Variants in NPAT observed in about 807,000 individuals in gnomAD.
NPAT encodes nuclear protein, coactivator of histone transcription, also known as protein NPAT.
In NPAT, 52 loss-of-function variants were observed where a neutral mutation model predicts 130.7. The ratio of observed to expected loss-of-function variants is 0.40; its 90% CI spans 0.32 to 0.50. The LOEUF (loss-of-function observed/expected upper bound fraction) is 0.50. NPAT is among the 20% of genes least tolerant of loss of function. The pLI is 0.68. For synonymous variants in NPAT, 580 were observed against 584.8 expected (o/e 0.99, Z 0.12); for missense variants, 1,687 against 1,662.6 (o/e 1.01, Z -0.26).
At chr11:108,216,896 A>T (rs75884896) in intron 1 of NPAT, among the ~76,000 whole-genome samples, 7,998 of 152,270 alleles carry the variant, frequency 0.053, 686 homozygotes, top group African/African-American at 0.18. Context: ...CTTTTGTCCC[A>T]AAAGTTCCAA....
chr11:108,194,379 T>C (rs1374650189), intron 2 of NPAT, among the ~76,000 whole-genome samples: 1 of 152,258 alleles, frequency 6.6e-6, no homozygotes, highest in East Asian at 1.9e-4. Flanking sequence ...TATCTCAGAC[T>C]ATAACCCAAC....
chr11:108,220,695 G>A (rs1448333357), intron 1 of NPAT, among the ~76,000 whole-genome samples: 3 of 152,150 alleles, frequency 2.0e-5, no homozygotes, highest in African/African-American at 4.8e-5. Context: ...AATGATAAAC[G>A]ACAAAAGTAA....
intron 10 of NPAT, among the ~76,000 whole-genome samples, chr11:108,179,962 G>A (rs1174328306): frequency 6.6e-6 from 1 of 152,160 alleles, no homozygotes; most frequent in African/African-American, 2.4e-5. Context: ...AACACAAAGT[G>A]AAAGGCAAGC....
intron 10 of NPAT, among the ~76,000 whole-genome samples, chr11:108,181,876 G>A (rs2078061547): frequency 6.6e-6 from 1 of 152,288 alleles, no homozygotes; most frequent in South Asian, 2.1e-4. Context: ...ATCTTTTCCT[G>A]AGAATCTGTG....
intron 1 of NPAT, among the ~76,000 whole-genome samples, chr11:108,218,727 G>A (rs974950976): frequency 1.3e-5 from 2 of 152,214 alleles, no homozygotes; most frequent in African/African-American, 4.8e-5. Context: ...GATGAGTACT[G>A]AAGGATGGTT....
At chr11:108,204,361 C>A (rs1352772026) in intron 1 of NPAT, among the ~76,000 whole-genome samples, 1 of 136,668 alleles carries the variant, frequency 7.3e-6, no homozygotes, top group Admixed American at 7.7e-5. Flanking sequence ...CCCATAAAAA[C>A]CCTGGACTCA....
In NPAT at chr11:108,158,882, T is replaced by C. The variant is rs1396467983; in HGVS notation, c.*60A>G. The C allele has an allele frequency of 4.1e-6, 4 of 969,358 alleles. No individual in the cohort carries two copies. The East Asian group carries it at 9.6e-5, about 23-fold the overall frequency. The allele number at this position is 969,358 out of a possible 1,614,324, so 60.0% of individuals were successfully genotyped here. ...CAGATTCTGTCAATATCCCATTCCC[T>C]ACACTCAGTTTAAGGGATATGAGTT... On this transcript the variant is annotated 3_prime_UTR_variant, in exon 18 of 18. Coordinates refer to ENST00000278612, the MANE Select transcript of NPAT (RefSeq NM_002519.3).
chr11:108,170,904 T>C (rs1370063288), intron 13 of NPAT, among the ~76,000 whole-genome samples: 2 of 152,158 alleles, frequency 1.3e-5, no homozygotes, highest in African/African-American at 4.8e-5. Context: ...ATACTAATTG[T>C]TGATATTTAA....
intron 2 of NPAT, among the ~76,000 whole-genome samples, chr11:108,194,569 T>C (rs1174740061): frequency 1.3e-5 from 2 of 152,374 alleles, no homozygotes; most frequent in East Asian, 3.9e-4. Flanking sequence ...TTTCTATTGC[T>C]GAGTAGTGGA....
In NPAT at chr11:108,173,572, T is replaced by C. The variant is rs1212915368; in HGVS notation, c.1412A>G (p.Tyr471Cys). The change falls in exon 13 of 18, where the codon TAC becomes TGC. Residue 471 changes from tyrosine to cysteine, a missense_variant. This residue lies in a region of NPAT where 1,379 missense variants were observed against 1,346.6 expected (regional missense o/e 1.02). Coordinates refer to ENST00000278612, the MANE Select transcript of NPAT (RefSeq NM_002519.3). ...AGTTTCAGTGGACATCTGATTGGTG[T>C]ATAATTCAGCACAATGTGGATTACA... ...AECNPHCAEL[Y>C]TNQMSTETEM... 12 of 1,614,108 alleles carry C rather than the reference T, an allele frequency of 7.4e-6. No homozygotes were observed. The highest frequency in any genetic ancestry group is 1.3e-5 in the African/African-American group (1 of 74,944).
intron 1 of NPAT, chr11:108,208,649 C>A: frequency 3.4e-6 from 1 of 295,098 alleles, no homozygotes; most frequent in Non-Finnish European, 6.7e-6. Context: ...CCTAACTGAG[C>A]CCAAAGTATA....
chr11:108,162,316 C>A (rs2077859961), intron 15 of NPAT, 136 bp from the exon 16 acceptor site: 1 of 721,774 alleles, frequency 1.4e-6, no homozygotes, highest in South Asian at 1.9e-5. Context: ...AACACGTTGA[C>A]AAAGCAGCTT....
chr11:108,194,043 C>T (rs769808951), intron 2 of NPAT, 26 bp from the exon 3 acceptor site: 3 of 1,223,560 alleles, frequency 2.5e-6, no homozygotes, highest in Non-Finnish European at 3.6e-6. Flanking sequence ...TCAAATATTA[C>T]CAAAATTGTA....
chr11:108,198,640 T>C (rs950264220), intron 1 of NPAT, among the ~76,000 whole-genome samples: 24 of 152,096 alleles, frequency 1.6e-4, no homozygotes, highest in African/African-American at 5.6e-4. Flanking sequence ...TTTTAGCCAA[T>C]CAAATGGTGC....
chr11:108,174,228 G>A (rs1192932204), intron 12 of NPAT, among the ~76,000 whole-genome samples: 2 of 151,918 alleles, frequency 1.3e-5, no homozygotes, highest in African/African-American at 2.4e-5. Context: ...CTACTGTCTC[G>A]GCCTCCCAAA....
At chr11:108,180,214 C>T (rs573677221) in intron 10 of NPAT, among the ~76,000 whole-genome samples, 1 of 152,182 alleles carries the variant, frequency 6.6e-6, no homozygotes, top group South Asian at 2.1e-4. Flanking sequence ...GTAGTCCCTG[C>T]TACTTGGGAA....
chr11:108,169,113 T>C (rs2077926570), intron 15 of NPAT, among the ~76,000 whole-genome samples: 1 of 152,100 alleles, frequency 6.6e-6, no homozygotes, highest in Non-Finnish European at 1.5e-5. Flanking sequence ...ACAACTTAGA[T>C]GAAAAATGAC....
intron 4 of NPAT, among the ~76,000 whole-genome samples, chr11:108,190,789 T>C (rs1026949299): frequency 1.9e-4 from 29 of 152,226 alleles, no homozygotes; most frequent in African/African-American, 6.0e-4. Flanking sequence ...GAATGCAATC[T>C]GGGCTGGGTA....
At position 108,172,028 on chromosome 11, in the gene NPAT, T is replaced by A. The variant is rs925035416; in HGVS notation, c.2785+171A>T. ...TAGCTTACTAGCAGATTAAGAAAAA[T>A]AAAAAAGGTTTGAATTAGCTAGCAT... On this transcript the variant is annotated intron_variant, in intron 13 of 17. Coordinates refer to ENST00000278612, the MANE Select transcript of NPAT (RefSeq NM_002519.3). 9 of 627,532 alleles carry A rather than the reference T, an allele frequency of 1.4e-5. No individual in the cohort carries two copies. The African/African-American group carries it at 1.7e-4, about 12-fold the overall frequency. The allele number at this position is 627,532 out of a possible 1,614,324, so 38.9% of individuals were successfully genotyped here. A position where few individuals can be genotyped will look rare whatever the true frequency, so the allele number is the denominator to read the frequency against.
Sources: allele counts gnomAD v4.1 joint callset (sites outside exome capture counted in the v4.1 genomes callset), GRCh38; gene constraint gnomAD v4.1.1; regional missense constraint gnomAD v4.1.1; transcripts MANE v1.5; gene names NCBI Gene and HGNC (gene_info 2026-07-23, HGNC 2026-07-21).